CFAP251: variants seen among roughly 807,000 people sequenced by gnomAD.
CFAP251 encodes cilia and flagella associated protein 251, also known as cilia- and flagella-associated protein 251.
A neutral mutation model predicts 126.7 loss-of-function variants in CFAP251; 93 were observed. The ratio of observed to expected loss-of-function variants is 0.73; its 90% CI spans 0.62 to 0.87. The LOEUF is 0.87. CFAP251 is among the 40% of genes least tolerant of loss of function. The pLI is 0.00. For missense variants in CFAP251, 1,287 were observed against 1,389.2 expected (o/e 0.93, Z 1.17); for synonymous variants, 503 against 506.9 (o/e 0.99, Z 0.10).
chr12:121,966,192 T>C (rs1262349283), intron 15 of CFAP251, among the ~76,000 whole-genome samples: 18 of 1,654 alleles, frequency 0.011, no homozygotes, highest in East Asian at 0.019. Flanking sequence ...CCCTCCCCTC[T>C]CCTTCCCTCC....
At chr12:121,952,425 A>T (rs929908808) in intron 9 of CFAP251, among the ~76,000 whole-genome samples, 7 of 151,982 alleles carry the variant, frequency 4.6e-5, no homozygotes, top group Non-Finnish European at 8.8e-5. Flanking sequence ...GTATATAAAA[A>T]AAAAAAAAAT....
chr12:121,992,613 T>C (rs1882901546), intron 19 of CFAP251: 1 of 665,366 alleles, frequency 1.5e-6, no homozygotes, highest in African/African-American at 2.0e-5. Flanking sequence ...TCCTCACTCC[T>C]GTTGCCCAGG....
rs1235452754 is a variant in CFAP251, at chr12:121,942,903, C to T, written c.1119C>T (p.Cys373=). The T allele has an allele frequency of 2.5e-6, 4 of 1,614,210 alleles. No homozygotes were observed. The highest frequency in any genetic ancestry group is 2.5e-6 in the Non-Finnish European group (3 of 1,180,040). Residue 373 remains cysteine (C), a synonymous_variant, in exon 7 of 22, where the codon TGC becomes TGT. Transcript: ENST00000288912. ...TCTACTGTCACCTACAGAAGGTATG[C>T]ATCTGGAAGTGGACTTTGGCAGTGG... ...TISDAEVQKV[C]IWKWTLAVET...
intron 19 of CFAP251, among the ~76,000 whole-genome samples, chr12:121,981,160 C>G (rs922515314): frequency 3.9e-5 from 6 of 151,958 alleles, no homozygotes; most frequent in African/African-American, 1.5e-4. Context: ...AACACAAAAA[C>G]AGAGAAAAGA....
Position 121,951,812 on chromosome 12 carries a change from G to A in CFAP251, c.1320+282G>A, listed in dbSNP as rs375010110. Among the ~76,000 whole-genome samples the A allele has an allele frequency of 1.3e-4, 20 of 152,050 alleles. No individual in the cohort carries two copies. In the East Asian group the frequency reaches 2.1e-3, roughly 16 times the overall value. ...TGGCTCACTGCAAGCTCTGCCTCCC[G>A]GGTTCACGCCATTCTTCTGCCTCAG... On this transcript the variant is annotated intron_variant, in intron 9 of 21. Coordinates refer to ENST00000288912, the MANE Select transcript of CFAP251 (RefSeq NM_144668.6).
chr12:121,958,199 T>A, intron 11 of CFAP251, 73 bp from the exon 12 acceptor site: 5 of 1,575,638 alleles, frequency 3.2e-6, no homozygotes, highest in Admixed American at 1.7e-5. Context: ...TTATGTGCAA[T>A]TAGAAGCAGA....
At chr12:121,940,461 AGTTGGGACCCTAGC>A (rs1469626797) in intron 5 of CFAP251, among the ~76,000 whole-genome samples, 1 of 152,186 alleles carries the variant, frequency 6.6e-6, no homozygotes, top group Non-Finnish European at 1.5e-5. Flanking sequence ...GATACCAGCC[AGTTGGGACCCTAGC>A]GTGACATACA....
chr12:121,938,919 G>A (rs1481168015), intron 5 of CFAP251, among the ~76,000 whole-genome samples: 3 of 151,858 alleles, frequency 2.0e-5, no homozygotes, highest in Non-Finnish European at 2.9e-5. Context: ...CCCAGGCGGC[G>A]GAGGTTGCAG....
At chr12:121,955,315 T>G (rs1489856047) in intron 10 of CFAP251, among the ~76,000 whole-genome samples, 1 of 151,846 alleles carries the variant, frequency 6.6e-6, no homozygotes, top group Non-Finnish European at 1.5e-5. Context: ...AAAATAATAT[T>G]TACCCATTGT....
intron 5 of CFAP251, among the ~76,000 whole-genome samples, chr12:121,941,522 T>C (rs1424896733): frequency 1.3e-5 from 2 of 151,546 alleles, no homozygotes; most frequent in Non-Finnish European, 2.9e-5. Flanking sequence ...TTGGTAGAGA[T>C]AGGGTTTTGC....
chr12:121,922,935 G>A (rs1241109437), intron 2 of CFAP251, among the ~76,000 whole-genome samples: 1 of 151,254 alleles, frequency 6.6e-6, no homozygotes, highest in Admixed American at 6.6e-5. Context: ...GACTACAGGC[G>A]CCCGCCACCA....
Position 121,999,715 on chromosome 12 carries a change from G to A in CFAP251, c.3007-1G>A. On this transcript the variant is annotated splice_acceptor_variant, in intron 19 of 21. Coordinates refer to ENST00000288912, the MANE Select transcript of CFAP251 (RefSeq NM_144668.6). LOFTEE classifies it high-confidence loss of function. ...TTTTTTTTTCCCCATCTTTCCCCTAGATTGATGATATATTTAACGAAATCA... is the reference window on the plus strand; with the variant it reads ...TTTTTTTTTCCCCATCTTTCCCCTAAATTGATGATATATTTAACGAAATCA... The A allele has an allele frequency of 6.3e-7, 1 of 1,599,202 alleles. No individual in the cohort carries two copies. The highest frequency in any genetic ancestry group is 8.6e-7 in the Non-Finnish European group (1 of 1,168,062).
chr12:121,952,595 C>A (rs954964584), intron 9 of CFAP251: 1 of 152,022 alleles, frequency 6.6e-6, no homozygotes, highest in East Asian at 1.9e-4. Flanking sequence ...GCCTGCTTGC[C>A]GCAAGCTCTT....
At position 121,923,886 on chromosome 12, in the gene CFAP251, T is replaced by G. The variant is rs1880293669; in HGVS notation, c.643T>G (p.Ser215Ala). 6 of 1,613,952 alleles carry G rather than the reference T, an allele frequency of 3.7e-6. No individual in the cohort carries two copies. Among genetic ancestry groups the G allele is most frequent in the Non-Finnish European group, 5.1e-6 (6 of 1,180,020 alleles). Residue 215 changes from serine (S) to alanine (A), a missense_variant, in exon 3 of 22, where the codon TCC becomes GCC. Ser to Ala is a moderately conservative substitution (Grantham distance 99). Transcript: ENST00000288912. ...AGAGGAGGGACAAGAAAGGAGAGTATCCGACATCCAGTCCAAAGCAGGGAT... is the reference window on the plus strand; with the variant it reads ...AGAGGAGGGACAAGAAAGGAGAGTAGCCGACATCCAGTCCAAAGCAGGGAT... ...NREEGQERRV[S>A]DIQSKAGISR...
chr12:121,976,447 T>C (rs1457330465), intron 19 of CFAP251, among the ~76,000 whole-genome samples: 1 of 152,064 alleles, frequency 6.6e-6, no homozygotes, highest in East Asian at 1.9e-4. Context: ...ACCTAGCAGG[T>C]GTTAATGGGG....
chr12:121,985,018 C>T (rs557004645), intron 19 of CFAP251, among the ~76,000 whole-genome samples: 2 of 152,278 alleles, frequency 1.3e-5, no homozygotes, highest in East Asian at 3.9e-4. Context: ...TCATATTCGA[C>T]AGCAGAGACA....
At chr12:121,998,886 T>TATCAAAAAAAAAAAAAAAA (rs1883084667) in intron 19 of CFAP251, 1 of 76,216 alleles carries the variant, frequency 1.3e-5, no homozygotes, top group African/African-American at 1.0e-4. Flanking sequence ...TGAGACCCTG[T>TATCAAAAAAAAAAAAAAAA]ATCAAAAAAA....
At chr12:121,963,845 C>T (rs984886378) in intron 15 of CFAP251, among the ~76,000 whole-genome samples, 6 of 151,590 alleles carry the variant, frequency 4.0e-5, no homozygotes, top group African/African-American at 1.2e-4. Flanking sequence ...CTCTACTCAG[C>T]GCTGTGGGGC....
At chr12:121,982,823 A>G (rs1345574673) in intron 19 of CFAP251, among the ~76,000 whole-genome samples, 1 of 152,136 alleles carries the variant, frequency 6.6e-6, no homozygotes, top group Non-Finnish European at 1.5e-5. Flanking sequence ...CTATAGAAAT[A>G]AGGAAGTCCT....
Sources: allele counts gnomAD v4.1 joint callset (sites outside exome capture counted in the v4.1 genomes callset), GRCh38; gene constraint gnomAD v4.1.1; transcripts MANE v1.5; gene names NCBI Gene and HGNC (gene_info 2026-07-23, HGNC 2026-07-21).